GFRA1: variants seen among roughly 807,000 people sequenced by gnomAD.
GFRA1 encodes GDNF family receptor alpha-1.
A neutral mutation model predicts 51.6 loss-of-function variants in GFRA1; 16 were observed. The observed-to-expected ratio is 0.31, with a 90% CI of 0.21 to 0.47. GFRA1 has a LOEUF of 0.47. Among genes scored for constraint, GFRA1 ranks in the 20% least tolerant of loss-of-function variants. The pLI is 1.00. For missense variants in GFRA1, 530 were observed against 594.3 expected, an observed-to-expected ratio of 0.89 and a Z score of 1.13; for synonymous variants, 270 against 241.3, an observed-to-expected ratio of 1.12 and a Z score of -1.10.
chr10:116,212,496 G>A (rs1251856946), intron 4 of GFRA1, among the ~76,000 whole-genome samples: 1 of 148,150 alleles, frequency 6.7e-6, no homozygotes, highest in Non-Finnish European at 1.5e-5. Flanking sequence ...CTCCAGCCTG[G>A]GCAACAAGAG....
intron 9 of GFRA1, among the ~76,000 whole-genome samples, chr10:116,088,208 T>C (rs1166677863): frequency 6.6e-6 from 1 of 152,022 alleles, no homozygotes; most frequent in Non-Finnish European, 1.5e-5. Flanking sequence ...TCTGAAACTT[T>C]CTAGGGAATG....
intron 4 of GFRA1, among the ~76,000 whole-genome samples, chr10:116,250,594 TG>T (rs139158028): frequency 1.3e-5 from 2 of 152,328 alleles, no homozygotes; most frequent in East Asian, 3.9e-4. Context: ...AGGGCAAAGC[TG>T]GCCCCTCCAA....
At chr10:116,223,335 C>G (rs1966058307) in intron 4 of GFRA1, among the ~76,000 whole-genome samples, 1 of 152,234 alleles carries the variant, frequency 6.6e-6, no homozygotes, top group African/African-American at 2.4e-5. Flanking sequence ...ATCCTACACT[C>G]TATATCACAT....
chr10:116,272,041 G>C lies in GFRA1; in HGVS notation c.-12C>G. 2 of 1,553,198 alleles carry C rather than the reference G, an allele frequency of 1.3e-6. No homozygotes were observed. Among genetic ancestry groups the C allele is most frequent in the Non-Finnish European group, 1.7e-6 (2 of 1,149,110 alleles). On this transcript the variant is annotated 5_prime_UTR_variant, in exon 2 of 11. Transcript: ENST00000355422. The surrounding 1 kb of genome is among the most constrained non-coding windows in gnomAD (Gnocchi z 4.4). The stretch of plus-strand genomic sequence containing the variant: ...GTCGCCAGGAACATGGTGCCGGCGC[G>C]GGGCTGGTCCCCGCCCCCCCAAAAA...
intron 5 of GFRA1, among the ~76,000 whole-genome samples, chr10:116,206,702 G>A (rs1370440101): frequency 1.4e-5 from 2 of 142,012 alleles, no homozygotes; most frequent in Non-Finnish European, 3.0e-5. Flanking sequence ...GCGCGATCTC[G>A]GCTCACTGCA....
At chr10:116,193,493 C>T (rs1963450265) in intron 5 of GFRA1, among the ~76,000 whole-genome samples, 1 of 152,188 alleles carries the variant, frequency 6.6e-6, no homozygotes, top group African/African-American at 2.4e-5. Flanking sequence ...GGAAATGTCA[C>T]TAATCCCTCA....
At chr10:116,165,307 A>G (rs1168896488) in intron 5 of GFRA1, among the ~76,000 whole-genome samples, 2 of 151,790 alleles carry the variant, frequency 1.3e-5, no homozygotes, top group African/African-American at 2.4e-5. Flanking sequence ...CCTATTGTGG[A>G]TAATAAGAAG....
At chr10:116,144,605 G>T (rs898338586) in intron 5 of GFRA1, among the ~76,000 whole-genome samples, 1 of 151,906 alleles carries the variant, frequency 6.6e-6, no homozygotes, top group African/African-American at 2.4e-5. Flanking sequence ...GGCAAAGAAT[G>T]AACTACTTAA....
At chr10:116,238,231 G>A (rs1037580879) in intron 4 of GFRA1, among the ~76,000 whole-genome samples, 5 of 152,220 alleles carry the variant, frequency 3.3e-5, no homozygotes, top group Admixed American at 2.0e-4. Context: ...CAACAGGAGA[G>A]CCGTGTCTTT....
At chr10:116,238,969 T>C (rs1967129723) in intron 4 of GFRA1, among the ~76,000 whole-genome samples, 1 of 152,178 alleles carries the variant, frequency 6.6e-6, no homozygotes, top group African/African-American at 2.4e-5. Flanking sequence ...GGGTTCACAC[T>C]GAAATACGTG....
chr10:116,267,991 A>C (rs191442756), intron 4 of GFRA1, among the ~76,000 whole-genome samples: 1 of 152,090 alleles, frequency 6.6e-6, no homozygotes, highest in African/African-American at 2.4e-5. Context: ...CCTCTGAAGG[A>C]AAAGACAGAA....
intron 4 of GFRA1, among the ~76,000 whole-genome samples, chr10:116,258,601 G>A (rs1038925812): frequency 6.6e-6 from 1 of 151,574 alleles, no homozygotes; most frequent in Non-Finnish European, 1.5e-5. Context: ...ATTTTCATGG[G>A]CTATTTCTCC....
intron 7 of GFRA1, among the ~76,000 whole-genome samples, chr10:116,095,982 T>A (rs2133903477): frequency 6.6e-6 from 1 of 152,098 alleles, no homozygotes; most frequent in Middle Eastern, 3.4e-3. Context: ...TATCCAGGGG[T>A]CCAAGTTTGC....
intron 9 of GFRA1, among the ~76,000 whole-genome samples, chr10:116,075,286 A>G (rs1489349049): frequency 1.3e-5 from 2 of 152,146 alleles, no homozygotes; most frequent in Non-Finnish European, 2.9e-5. Context: ...TTTGCAAGGT[A>G]GCACACCTAT....
chr10:116,100,712 C>T (rs1956785481), intron 6 of GFRA1, among the ~76,000 whole-genome samples: 1 of 152,270 alleles, frequency 6.6e-6, no homozygotes, highest in Non-Finnish European at 1.5e-5. Context: ...TTCAGACCTA[C>T]TGTGTGCCCT....
intron 4 of GFRA1, among the ~76,000 whole-genome samples, chr10:116,251,576 T>G (rs1043826989): frequency 5.3e-5 from 8 of 152,176 alleles, no homozygotes; most frequent in Non-Finnish European, 1.2e-4. Flanking sequence ...ATTCAGAGAC[T>G]CTAACTCAGG....
chr10:116,269,849 G>A (rs76117595), intron 3 of GFRA1, among the ~76,000 whole-genome samples: 8,091 of 152,068 alleles, frequency 0.053, 661 homozygotes, highest in African/African-American at 0.17. Context: ...CCCACTCTTT[G>A]CAAAGGAATA....
chr10:116,253,511 G>A (rs763766203), intron 4 of GFRA1, among the ~76,000 whole-genome samples: 36 of 152,170 alleles, frequency 2.4e-4, no homozygotes, highest in Non-Finnish European at 5.1e-4. Context: ...GGGAGGCTGA[G>A]GCAGGAGAAT....
In GFRA1 at chr10:116,125,422, C is replaced by T. The variant is rs376230694; in HGVS notation, c.569G>A (p.Arg190His). The change falls in exon 6 of 11, where the codon CGC (arginine) becomes CAC (histidine). Residue 190 changes from arginine to histidine, a missense_variant. Physicochemically the swap from Arg to His is conservative, Grantham distance 29 (BLOSUM62 0). Transcript: ENST00000355422. ...TSVSNDVCNR[R>H]KCHKALRQFF... ...CTGCCGGAGGGCCTTGTGGCACTTG[C>T]GGCGGTTGCAGACATCGTTGGACAC... 43 of 1,614,072 alleles carry T rather than the reference C, an allele frequency of 2.7e-5. No individual in the cohort carries two copies. Among genetic ancestry groups the T allele is most frequent in the South Asian group, 4.4e-5 (4 of 91,082 alleles).
Sources: allele counts gnomAD v4.1 joint callset (sites outside exome capture counted in the v4.1 genomes callset), GRCh38; gene constraint gnomAD v4.1.1; non-coding constraint Gnocchi (gnomAD v3.1); transcripts MANE v1.5; gene names NCBI Gene and HGNC (gene_info 2026-07-23, HGNC 2026-07-21).